The following FRMD4A variants were observed in gnomAD, a reference collection of about 807,000 sequenced individuals.
FRMD4A encodes FERM domain-containing protein 4A.
In FRMD4A, 29 loss-of-function variants were observed where a neutral mutation model predicts 129.1. The observed-to-expected ratio is 0.22, with a 90% CI of 0.17 to 0.31. The LOEUF (loss-of-function observed/expected upper bound fraction) is 0.31. Among genes scored for constraint, FRMD4A ranks in the 10% least tolerant of loss-of-function variants. The pLI is 1.00. For synonymous variants in FRMD4A, 634 were observed against 571.6 expected (o/e 1.11, Z -1.56); for missense variants, 1,272 against 1,375.8 (o/e 0.92, Z 1.19).
intron 2 of FRMD4A, among the ~76,000 whole-genome samples, chr10:13,997,213 G>C (rs2095625736): frequency 6.6e-6 from 1 of 151,978 alleles, no homozygotes; most frequent in Non-Finnish European, 1.5e-5. Flanking sequence ...CCATTTTTCT[G>C]ACATAGTGGC....
chr10:13,974,980 GGT>G lies in FRMD4A; in HGVS notation c.46-116070_46-116069del, dbSNP rs36211073. 9.8e-3 allele frequency among the ~76,000 whole-genome samples: 1,483 copies of G among 151,452 alleles called. 19 individuals are homozygous for G. Among genetic ancestry groups the G allele is most frequent in the Middle Eastern group, 0.024 (7 of 294 alleles). The stretch of plus-strand genomic sequence containing the variant: ...AGAAACCTCAGAGCAATTCACTATA[GGT>G]GTGTGTGTGTGTGTCTGTGTGAGTG... On this transcript the variant is annotated intron_variant, in intron 2 of 24. Coordinates refer to ENST00000357447, the MANE Select transcript of FRMD4A (RefSeq NM_018027.5).
Position 13,644,135 on chromosome 10 carries a change from T to G in FRMD4A, c.*2903A>C, listed in dbSNP as rs41301095. ...AATTTTAACAGTTTCAACACTCACC[T>G]GCATATAATAAAATAAAAAATCAAC... On this transcript the variant is annotated 3_prime_UTR_variant, in exon 25 of 25. Coordinates refer to ENST00000357447, the MANE Select transcript of FRMD4A (RefSeq NM_018027.5). The G allele has an allele frequency of 5.6e-3, 852 of 152,634 alleles. 1 individual carries two copies. The highest frequency in any genetic ancestry group is 8.1e-3 in the Non-Finnish European group (548 of 68,034). 9.5% of individuals were successfully genotyped at this position (152,634 alleles called of 1,614,324 possible).
intron 2 of FRMD4A, among the ~76,000 whole-genome samples, chr10:14,057,588 G>A (rs1388147201): frequency 7.2e-6 from 1 of 139,692 alleles, no homozygotes; most frequent in Non-Finnish European, 1.6e-5. Flanking sequence ...TTTTTTTTTC[G>A]AGATGGAGAT....
At chr10:13,984,081 C>A (rs1471333235) in intron 2 of FRMD4A, among the ~76,000 whole-genome samples, 1 of 151,894 alleles carries the variant, frequency 6.6e-6, no homozygotes, top group Non-Finnish European at 1.5e-5. Flanking sequence ...TGATGAGGGG[C>A]AAGTCTGAGG....
chr10:14,222,400 C>T (rs949246389), intron 2 of FRMD4A, among the ~76,000 whole-genome samples: 5 of 152,122 alleles, frequency 3.3e-5, no homozygotes, highest in Admixed American at 6.5e-5. Context: ...GCTGAGCGTA[C>T]CTGGAGAAGG....
At chr10:13,701,305 A>G in intron 14 of FRMD4A, 35 bp downstream of exon 14, 1 of 1,590,994 alleles carries the variant, frequency 6.3e-7, no homozygotes, top group Non-Finnish European at 8.6e-7. Flanking sequence ...GAGGCAGACA[A>G]TGGCCCGGGC....
At chr10:13,712,806 A>G (rs1432399546) in intron 12 of FRMD4A, among the ~76,000 whole-genome samples, 2 of 152,218 alleles carry the variant, frequency 1.3e-5, no homozygotes, top group Non-Finnish European at 2.9e-5. Flanking sequence ...TGGGTAATAA[A>G]TACTGCCTTT....
intron 4 of FRMD4A, 29 bp downstream of exon 4, chr10:13,810,785 G>A (rs11258631): frequency 8.4e-6 from 10 of 1,193,560 alleles, no homozygotes; most frequent in African/African-American, 3.0e-5. Flanking sequence ...CTCTCCCTTC[G>A]GGCTGTGAGG....
chr10:14,310,873 T>C (rs1589294959), intron 2 of FRMD4A, among the ~76,000 whole-genome samples: 1 of 152,304 alleles, frequency 6.6e-6, no homozygotes. Flanking sequence ...GAGAGAGCTC[T>C]TCTCTTTTCT....
At chr10:13,704,159 A>C (rs1216077352) in intron 13 of FRMD4A, among the ~76,000 whole-genome samples, 1 of 152,220 alleles carries the variant, frequency 6.6e-6, no homozygotes, top group Non-Finnish European at 1.5e-5. Flanking sequence ...GAAAAAAGGC[A>C]CCACTAGGAT....
At chr10:13,888,790 G>A (rs947881689) in intron 2 of FRMD4A, among the ~76,000 whole-genome samples, 1 of 152,178 alleles carries the variant, frequency 6.6e-6, no homozygotes, top group Non-Finnish European at 1.5e-5. Flanking sequence ...ATACTCTGTG[G>A]AGAGTAGTTT....
At chr10:14,111,013 T>C (rs1837872749) in intron 2 of FRMD4A, among the ~76,000 whole-genome samples, 1 of 152,178 alleles carries the variant, frequency 6.6e-6, no homozygotes, top group African/African-American at 2.4e-5. Context: ...AGTACACATA[T>C]CATAAAATTT....
chr10:13,749,518 G>A lies in FRMD4A; in HGVS notation c.465-1699C>T, dbSNP rs769859947. 5.9e-5 allele frequency among the ~76,000 whole-genome samples: 9 copies of A among 152,202 alleles called. No individual in the cohort carries two copies. The East Asian group carries it at 7.7e-4, about 13-fold the overall frequency. Reference sequence around the variant, plus strand: ...AGGATGCATTGTTCCCTGTGTCCCCGGCGAGAAATACAGCCAAGGGCAATG... The same window carrying A: ...AGGATGCATTGTTCCCTGTGTCCCCAGCGAGAAATACAGCCAAGGGCAATG... On this transcript the variant is annotated intron_variant, in intron 8 of 24. Coordinates refer to ENST00000357447, the MANE Select transcript of FRMD4A (RefSeq NM_018027.5).
intron 2 of FRMD4A, among the ~76,000 whole-genome samples, chr10:14,251,052 G>A (rs1383062260): frequency 6.6e-6 from 1 of 151,754 alleles, no homozygotes; most frequent in African/African-American, 2.4e-5. Flanking sequence ...CCAAAAATAT[G>A]CTCCCAGCCA....
chr10:13,990,883 G>A (rs1330694634), intron 2 of FRMD4A, among the ~76,000 whole-genome samples: 2 of 152,110 alleles, frequency 1.3e-5, no homozygotes, highest in African/African-American at 2.4e-5. Flanking sequence ...AATCAGATAC[G>A]AGATTCCAGT....
At chr10:14,112,669 G>A (rs1321175336) in intron 2 of FRMD4A, among the ~76,000 whole-genome samples, 1 of 152,124 alleles carries the variant, frequency 6.6e-6, no homozygotes, top group Non-Finnish European at 1.5e-5. Flanking sequence ...GGGATTATAG[G>A]TGTCTGCCAC....
intron 2 of FRMD4A, among the ~76,000 whole-genome samples, chr10:14,040,647 A>G (rs1833743416): frequency 6.6e-6 from 1 of 152,212 alleles, no homozygotes; most frequent in Non-Finnish European, 1.5e-5. Flanking sequence ...TGCGACCAGA[A>G]TCTAGACTTT....
chr10:14,257,397 A>G (rs1264061998), intron 2 of FRMD4A, among the ~76,000 whole-genome samples: 2 of 152,210 alleles, frequency 1.3e-5, no homozygotes, highest in African/African-American at 2.4e-5. Flanking sequence ...CTCAGTATGA[A>G]CAAGGACCTT....
At chr10:13,969,325 G>A (rs1003169007) in intron 2 of FRMD4A, among the ~76,000 whole-genome samples, 7 of 152,250 alleles carry the variant, frequency 4.6e-5, no homozygotes, top group Admixed American at 3.9e-4. Flanking sequence ...AGACAAGCAC[G>A]AGGCGTGGTT....
Sources: allele counts gnomAD v4.1 joint callset (sites outside exome capture counted in the v4.1 genomes callset), GRCh38; gene constraint gnomAD v4.1.1; transcripts MANE v1.5; gene names NCBI Gene and HGNC (gene_info 2026-07-23, HGNC 2026-07-21).